Variants in NCOA3 observed in about 807,000 individuals in gnomAD.
NCOA3 encodes nuclear receptor coactivator 3.
NCOA3 carries 51 observed loss-of-function variants against 158.8 expected under a neutral mutation model. That is an observed-to-expected ratio of 0.32 (90% CI 0.26 to 0.41). The LOEUF (loss-of-function observed/expected upper bound fraction) is 0.41. Ranked by LOEUF, NCOA3 falls within the 10% of genes least tolerant of loss-of-function variation. The pLI, the probability that NCOA3 is intolerant of heterozygous loss-of-function variation, is 1.00. For synonymous variants in NCOA3, 537 were observed against 592.4 expected (o/e 0.91, Z 1.36); for missense variants, 1,510 against 1,746.6 (o/e 0.86, Z 2.41).
intron 1 of NCOA3, among the ~76,000 whole-genome samples, chr20:47,564,210 A>C (rs1273606568): frequency 6.6e-6 from 1 of 152,112 alleles, no homozygotes; most frequent in African/African-American, 2.4e-5. Context: ...GTATGAGCAG[A>C]TACATCTATA....
chr20:47,627,205 A>G (rs1478168601), intron 6 of NCOA3, 29 bp downstream of exon 6: 1 of 1,519,988 alleles, frequency 6.6e-7, no homozygotes, highest in Non-Finnish European at 8.9e-7. Context: ...TTTTCTAAAT[A>G]GGTTAAATTT....
intron 1 of NCOA3, among the ~76,000 whole-genome samples, chr20:47,560,862 T>C (rs939925657): frequency 1.3e-5 from 2 of 152,098 alleles, no homozygotes; most frequent in African/African-American, 2.4e-5. Flanking sequence ...TTTTGAGTTA[T>C]AGGTGGTTTT....
intron 2 of NCOA3, among the ~76,000 whole-genome samples, chr20:47,621,094 T>C (rs773796252): frequency 1.6e-4 from 25 of 152,220 alleles, no homozygotes; most frequent in Non-Finnish European, 3.1e-4. Flanking sequence ...TTAAATCATC[T>C]CAGCTTTTTA....
At chr20:47,572,933 T>C (rs555327808) in intron 1 of NCOA3, among the ~76,000 whole-genome samples, 2 of 152,322 alleles carry the variant, frequency 1.3e-5, no homozygotes, top group South Asian at 2.1e-4. Context: ...TTTGGACTTA[T>C]TTCAATATTG....
At chr20:47,608,746 T>G (rs1389512509) in intron 2 of NCOA3, among the ~76,000 whole-genome samples, 1 of 152,208 alleles carries the variant, frequency 6.6e-6, no homozygotes. Flanking sequence ...TTTCCAGTTT[T>G]TAAGAGGTAA....
In NCOA3 at chr20:47,642,285, A is replaced by G; in HGVS notation, c.3153A>G (p.Arg1051=). Residue 1051 remains arginine (R), a synonymous_variant, in exon 17 of 23, where the codon AGA becomes AGG. Coordinates refer to ENST00000371998, the MANE Select transcript of NCOA3 (RefSeq NM_181659.3). The part of the protein sequence containing the change: ...PSNLEGQSDE[R]ALLDQLHTLL... ...ACCTGGAAGGCCAGAGTGACGAAAG[A>G]GCATTATTGGACCAGCTGCACACTC... 1.2e-6 allele frequency: 2 copies of G among 1,613,276 alleles called. No homozygotes were observed. Among genetic ancestry groups the G allele is most frequent in the Admixed American group, 1.7e-5 (1 of 59,748 alleles).
chr20:47,599,281 A>G (rs1227238214), intron 2 of NCOA3, among the ~76,000 whole-genome samples: 2 of 152,162 alleles, frequency 1.3e-5, no homozygotes, highest in Admixed American at 1.3e-4. Context: ...GATGCCATTT[A>G]TATTAAATGT....
intron 19 of NCOA3, among the ~76,000 whole-genome samples, chr20:47,650,259 C>CTTT (rs555753870): frequency 6.9e-5 from 9 of 131,090 alleles, no homozygotes; most frequent in South Asian, 2.5e-4. Flanking sequence ...AGCCAGAAAG[C>CTTT]TTTTTTTTTT....
Position 47,639,059 on chromosome 20 carries a change from C to T in NCOA3, c.2564C>T (p.Ala855Val). 6.2e-7 allele frequency: 1 copy of T among 1,614,138 alleles called. No individual in the cohort carries two copies. ...TCTATTCGTCCTCCATATAACCGAG[C>T]AGTGTCTCTGGATAGCCCTGTTTCT... Reference protein sequence around the residue: ...VQSIRPPYNRAVSLDSPVSVG... With the variant: ...VQSIRPPYNRVVSLDSPVSVG... Residue 855 changes from alanine to valine, a missense_variant, in exon 14 of 23, where the codon GCA becomes GTA. Ala to Val is a moderately conservative substitution (Grantham distance 64). This residue lies in a region of NCOA3 where 1,017 missense variants were observed against 1,098.3 expected (regional missense o/e 0.93). Coordinates refer to ENST00000371998, the MANE Select transcript of NCOA3 (RefSeq NM_181659.3).
intron 1 of NCOA3, among the ~76,000 whole-genome samples, chr20:47,542,485 C>T (rs1353382710): frequency 2.0e-5 from 3 of 152,098 alleles, no homozygotes; most frequent in African/African-American, 4.8e-5. Flanking sequence ...TTATTTTTTA[C>T]AAGCATATTC....
intron 1 of NCOA3, among the ~76,000 whole-genome samples, chr20:47,522,097 ATCT>A (rs1318665204): frequency 9.6e-6 from 1 of 103,814 alleles, no homozygotes; most frequent in Non-Finnish European, 2.0e-5. Flanking sequence ...CATTGTACAG[ATCT>A]TTTTTTTTTT....
At chr20:47,624,230 A>AT (rs1175699036) in intron 4 of NCOA3, 147 bp downstream of exon 4, 2 of 617,470 alleles carry the variant, frequency 3.2e-6, no homozygotes, top group Non-Finnish European at 2.8e-6. Flanking sequence ...TTTGTGGTGC[A>AT]TTTTATTTCT....
chr20:47,640,164 A>C, intron 16 of NCOA3, 113 bp downstream of exon 16: 1 of 1,427,488 alleles, frequency 7.0e-7, no homozygotes, highest in South Asian at 1.2e-5. Flanking sequence ...TAATTGAGGT[A>C]CTGGGTTGCC....
At chr20:47,650,062 C>A (rs377310099) in intron 19 of NCOA3, among the ~76,000 whole-genome samples, 1 of 152,000 alleles carries the variant, frequency 6.6e-6, no homozygotes, top group African/African-American at 2.4e-5. Context: ...ACTGAATCCT[C>A]ATTTTCCTGT....
chr20:47,642,802 G>T (rs1324155448), intron 17 of NCOA3, among the ~76,000 whole-genome samples: 1 of 152,070 alleles, frequency 6.6e-6, no homozygotes, highest in Non-Finnish European at 1.5e-5. Flanking sequence ...GTTTACAATG[G>T]CCAAGCTGAA....
intron 1 of NCOA3, among the ~76,000 whole-genome samples, chr20:47,567,012 C>CTATGTACGTATG (rs904150545): frequency 5.2e-4 from 75 of 145,460 alleles, no homozygotes; most frequent in African/African-American, 1.8e-3. Context: ...TGGTATAGTA[C>CTATGTACGTATG]TATGTATGTA....
intron 1 of NCOA3, among the ~76,000 whole-genome samples, chr20:47,506,378 T>C (rs2084032210): frequency 2.0e-5 from 3 of 152,218 alleles, no homozygotes; most frequent in African/African-American, 7.2e-5. Flanking sequence ...GCCTTTCCCT[T>C]TCCTACCTTC....
At chr20:47,566,696 G>GTGTGCCC (rs2085200455) in intron 1 of NCOA3, among the ~76,000 whole-genome samples, 1 of 152,064 alleles carries the variant, frequency 6.6e-6, no homozygotes, top group South Asian at 2.1e-4. Flanking sequence ...ATTTTTTGCA[G>GTGTGCCC]AGACAGGTTT....
At chr20:47,544,051 G>A (rs2425963) in intron 1 of NCOA3, among the ~76,000 whole-genome samples, 23,476 of 151,966 alleles carry the variant, frequency 0.15, 2,838 homozygotes, top group African/African-American at 0.33. Flanking sequence ...ACTCCACCCC[G>A]ATTCCCCCAA....
Sources: allele counts gnomAD v4.1 joint callset (sites outside exome capture counted in the v4.1 genomes callset), GRCh38; gene constraint gnomAD v4.1.1; regional missense constraint gnomAD v4.1.1; transcripts MANE v1.5; gene names NCBI Gene and HGNC (gene_info 2026-07-23, HGNC 2026-07-21).